SLC25A23: variants seen among roughly 807,000 people sequenced by gnomAD.
SLC25A23 encodes the protein mitochondrial adenyl nucleotide antiporter SLC25A23.
In SLC25A23, 32 loss-of-function variants were observed where a neutral mutation model predicts 53.9. The observed-to-expected ratio is 0.59, with a 90% CI of 0.45 to 0.80. The LOEUF (loss-of-function observed/expected upper bound fraction) is 0.80. SLC25A23 is among the 30% of genes least tolerant of loss of function. The pLI is 0.00. For synonymous variants in SLC25A23, 275 were observed against 264.5 expected (o/e 1.04, Z -0.38); for missense variants, 575 against 651.4 (o/e 0.88, Z 1.28).
chr19:6,447,102 G>C (rs1025269842), intron 8 of SLC25A23, among the ~76,000 whole-genome samples: 2 of 152,134 alleles, frequency 1.3e-5, no homozygotes, highest in Non-Finnish European at 2.9e-5. Context: ...TTGCACTTCT[G>C]GCCTCTGGAA....
chr19:6,452,449 T>C lies in SLC25A23; in HGVS notation c.934A>G (p.Thr312Ala), dbSNP rs2092606274. The C allele has an allele frequency of 1.2e-6, 2 of 1,610,944 alleles. No homozygotes were observed. The highest frequency in any genetic ancestry group is 1.7e-6 in the Non-Finnish European group (2 of 1,177,872). ...TCCAGCAGCCCCTTATACTGGCCCGTCCGGCGCAAGGTCAGCCGCGTCTTC... is the reference window on the plus strand; with the variant it reads ...TCCAGCAGCCCCTTATACTGGCCCGCCCGGCGCAAGGTCAGCCGCGTCTTC... ...VLKTRLTLRR[T>A]GQYKGLLDCA... Residue 312 changes from threonine (T) to alanine (A), a missense_variant, in exon 8 of 10, where the codon ACG becomes GCG. By Grantham distance (58) the Thr-to-Ala change is moderately conservative. Transcript: ENST00000301454.
chr19:6,442,179 G>C lies in SLC25A23; in HGVS notation c.1223-20C>G. 1 of 1,456,840 alleles carries C rather than the reference G, an allele frequency of 6.9e-7. No homozygotes were observed. The highest frequency in any genetic ancestry group is 1.5e-5 in the African/African-American group (1 of 65,854). 90.2% of individuals were successfully genotyped at this position (1,456,840 alleles called of 1,614,324 possible). On this transcript the variant is annotated intron_variant, in intron 9 of 9. Coordinates refer to ENST00000301454, the MANE Select transcript of SLC25A23 (RefSeq NM_024103.3). ...TGGAGGCTGGGAGGGGGCGGGGGGG[G>C]CACCAGGTAAGGCCAACGTTCCCCT...
intron 8 of SLC25A23, among the ~76,000 whole-genome samples, chr19:6,449,094 G>A (rs773732310): frequency 6.6e-6 from 1 of 151,886 alleles, no homozygotes; most frequent in South Asian, 2.1e-4. Flanking sequence ...AACAAAAAAA[G>A]TTAAATCACT....
At position 6,441,952 on chromosome 19, in the gene SLC25A23, T is replaced by TG; in HGVS notation, c.*22dup. 2 of 1,603,714 alleles carry TG rather than the reference T, an allele frequency of 1.2e-6. No individual in the cohort carries two copies. Among genetic ancestry groups the TG allele is most frequent in the Non-Finnish European group, 1.7e-6 (2 of 1,174,900 alleles). On this transcript the variant is annotated 3_prime_UTR_variant, in exon 10 of 10. Coordinates refer to ENST00000301454, the MANE Select transcript of SLC25A23 (RefSeq NM_024103.3). ...GGCTGAGGTGTGGGGGGTGAGGGATTGGGGGGACGGGCTCCGGGTCCCTCA... is the reference window on the plus strand; with the variant it reads ...GGCTGAGGTGTGGGGGGTGAGGGATTGGGGGGGACGGGCTCCGGGTCCCTCA...
In SLC25A23 at chr19:6,456,479, A is replaced by G; in HGVS notation, c.424T>C (p.Phe142Leu). 6.2e-7 allele frequency: 1 copy of G among 1,613,768 alleles called. No homozygotes were observed. Residue 142 changes from phenylalanine (F) to leucine (L), a missense_variant, in exon 4 of 10, where the codon TTC becomes CTC. Transcript: ENST00000301454. ...TIDWQEWRDH[F>L]LLHSLENVED... ...ACATTTTCCAGCGAATGCAACAGGA[A>G]GTGGTCGCGCCATTCTTGCCAGTCA... is the stretch of plus-strand genomic sequence containing the variant.
chr19:6,454,118 G>T lies in SLC25A23; in HGVS notation c.796-30C>A. The T allele has an allele frequency of 6.3e-7, 1 of 1,594,042 alleles. No homozygotes were observed. Among genetic ancestry groups the T allele is most frequent in the Non-Finnish European group, 8.6e-7 (1 of 1,167,816 alleles). ...GGCGGGGAGACACAGGGATGGGTAG[G>T]ACCATGGGGGTTGAACCTTCCTTGC... On this transcript the variant is annotated intron_variant, in intron 6 of 9. Transcript: ENST00000301454. This position sits in a 1 kb window ranked among gnomAD's most constrained non-coding sequence, Gnocchi z 4.3.
downstream of SLC25A23, among the ~76,000 whole-genome samples, chr19:6,437,307 C>T (rs750212278): frequency 5.3e-5 from 8 of 152,164 alleles, no homozygotes; most frequent in Non-Finnish European, 1.0e-4. Context: ...CCCACCCACC[C>T]TGAATTTTCT....
intron 8 of SLC25A23, among the ~76,000 whole-genome samples, chr19:6,448,351 T>A (rs2092536956): frequency 6.6e-6 from 1 of 152,200 alleles, no homozygotes; most frequent in Non-Finnish European, 1.5e-5. Context: ...TTTAGAAGCC[T>A]TCTTTTGGGT....
intron 2 of SLC25A23, 64 bp from the exon 3 acceptor site, chr19:6,457,654 C>A: frequency 7.1e-7 from 1 of 1,413,874 alleles, no homozygotes; most frequent in African/African-American, 1.4e-5. Flanking sequence ...ACCCCAGGAC[C>A]AAGGATCAGA....
At chr19:6,455,974 C>T (rs1365311491) in intron 4 of SLC25A23, 3 of 1,271,120 alleles carry the variant, frequency 2.4e-6, no homozygotes, top group Admixed American at 4.6e-5. Context: ...CCACTTCGGC[C>T]TCCCAAAGTG....
At chr19:6,444,332 G>A in intron 8 of SLC25A23, 31 bp from the exon 9 acceptor site, 1 of 1,534,088 alleles carries the variant, frequency 6.5e-7, no homozygotes. Flanking sequence ...GGGAGGGTTG[G>A]GGTGGGTGAC....
chr19:6,446,367 C>G (rs1335215067), intron 8 of SLC25A23, among the ~76,000 whole-genome samples: 1 of 151,990 alleles, frequency 6.6e-6, no homozygotes, highest in Non-Finnish European at 1.5e-5. Context: ...GTCTCAAAAA[C>G]AAACAAATGA....
chr19:6,447,791 C>T (rs756131966), intron 8 of SLC25A23, among the ~76,000 whole-genome samples: 2 of 152,224 alleles, frequency 1.3e-5, no homozygotes, highest in Non-Finnish European at 2.9e-5. Context: ...CTGTCTTAGC[C>T]TCCCAGGTAG....
In SLC25A23 at chr19:6,454,846, G is replaced by C. The variant is rs1398894833; in HGVS notation, c.484-129C>G. ...AGTCTGCCAATGACTCTTGCTTGGA[G>C]ACCCCAGAAGAGTCCTGTTGGGTCC... is the stretch of plus-strand genomic sequence containing the variant. On this transcript the variant is annotated intron_variant, in intron 4 of 9. Coordinates refer to ENST00000301454, the MANE Select transcript of SLC25A23 (RefSeq NM_024103.3). The surrounding 1 kb of genome is among the most constrained non-coding windows in gnomAD (Gnocchi z 4.3). The C allele has an allele frequency of 5.4e-6, 6 of 1,114,206 alleles. No homozygotes were observed. The highest frequency in any genetic ancestry group is 6.3e-6 in the Non-Finnish European group (5 of 790,522). The allele number at this position is 1,114,206 out of a possible 1,614,324, so 69.0% of individuals were successfully genotyped here.
At chr19:6,452,639 C>A (rs1262478070) in intron 7 of SLC25A23, 160 bp from the exon 8 acceptor site, 8 of 807,152 alleles carry the variant, frequency 9.9e-6, no homozygotes, top group Non-Finnish European at 1.5e-5. Flanking sequence ...CCCCAAATCC[C>A]TATACCTAGA....
Position 6,454,463 on chromosome 19 carries a change from T to C in SLC25A23, c.655A>G (p.Lys219Glu), listed in dbSNP as rs747800728. 6.2e-7 allele frequency: 1 copy of C among 1,613,988 alleles called. No individual in the cohort carries two copies. Among genetic ancestry groups the C allele is most frequent in the Non-Finnish European group, 8.5e-7 (1 of 1,180,028 alleles). Residue 219 changes from lysine to glutamate, a missense_variant, in exon 6 of 10, where the codon AAG (lysine) becomes GAG (glutamate). By Grantham distance (56) the Lys-to-Glu change is moderately conservative. Transcript: ENST00000301454. The surrounding 1 kb of genome is among the most constrained non-coding windows in gnomAD (Gnocchi z 4.3). Reference sequence around the variant, plus strand: ...CCAAGGATGTTCAGCCGGTTGGTCTTTGAGGCATGGACCTGAATGGGGAGA... The same window carrying C: ...CCAAGGATGTTCAGCCGGTTGGTCTCTGAGGCATGGACCTGAATGGGGAGA... ...LKVFMQVHAS[K>E]TNRLNILGGL...
intron 1 of SLC25A23, 104 bp from the exon 2 acceptor site, chr19:6,458,428 T>C: frequency 7.6e-7 from 1 of 1,323,556 alleles, no homozygotes; most frequent in Non-Finnish European, 1.0e-6. Flanking sequence ...CCCAGCGCCT[T>C]GAGGAAGGGG....
At chr19:6,437,591 C>T (rs1231661330), downstream of SLC25A23, among the ~76,000 whole-genome samples, 3 of 151,548 alleles carry the variant, frequency 2.0e-5, no homozygotes, top group Non-Finnish European at 4.4e-5. Flanking sequence ...AGGCGGATCA[C>T]GAGGTCAGGA....
chr19:6,444,313 A>C lies in SLC25A23; in HGVS notation c.1072-12T>G. ...CAGTTCTTCAGAGTCTGGAGTGGAGAAGGGAGTAGGGAGGGTTGGGGTGGG... is the reference window on the plus strand; with the variant it reads ...CAGTTCTTCAGAGTCTGGAGTGGAGCAGGGAGTAGGGAGGGTTGGGGTGGG... On this transcript the variant is annotated splice_polypyrimidine_tract_variant and intron_variant, in intron 8 of 9. Coordinates refer to ENST00000301454, the MANE Select transcript of SLC25A23 (RefSeq NM_024103.3). 6.3e-7 allele frequency: 1 copy of C among 1,594,074 alleles called. No homozygotes were observed. Among genetic ancestry groups the C allele is most frequent in the East Asian group, 2.3e-5 (1 of 44,214 alleles).
Sources: gnomAD v4.1 joint callset for allele counts (sites outside exome capture counted in the v4.1 genomes callset) on GRCh38, gnomAD v4.1.1 for gene constraint, Gnocchi (gnomAD v3.1) non-coding constraint, MANE v1.5 for transcripts, NCBI Gene and HGNC (gene_info 2026-07-23, HGNC 2026-07-21) for gene names.